The following DLG2 variants were observed in gnomAD, a reference collection of about 807,000 sequenced individuals.
DLG2 encodes the protein discs large MAGUK scaffold protein 2.
In DLG2, 45 loss-of-function variants were observed where a neutral mutation model predicts 132.5. That is an observed-to-expected ratio of 0.34 (90% CI 0.27 to 0.44). The LOEUF (loss-of-function observed/expected upper bound fraction) is 0.44, where lower values mean the gene tolerates loss of function less well. Ranked by LOEUF, DLG2 falls within the 20% of genes least tolerant of loss-of-function variation. The pLI is 1.00. For missense variants in DLG2, 1,045 were observed against 1,196.9 expected (o/e 0.87, Z 1.87); for synonymous variants, 424 against 419.6 (o/e 1.01, Z -0.13).
At chr11:85,563,626 G>A (rs1415626581) in intron 3 of DLG2, among the ~76,000 whole-genome samples, 1 of 148,722 alleles carries the variant, frequency 6.7e-6, no homozygotes, top group Admixed American at 6.7e-5. Context: ...GATTTATGTT[G>A]TTGCATGTTG....
intron 3 of DLG2, among the ~76,000 whole-genome samples, chr11:85,529,742 A>G (rs1294071368): frequency 2.6e-5 from 4 of 152,128 alleles, no homozygotes; most frequent in Non-Finnish European, 5.9e-5. Context: ...TTATTGTACC[A>G]ACTTTCCTTT....
At chr11:84,716,355 G>A (rs1207726777) in intron 6 of DLG2, among the ~76,000 whole-genome samples, 1 of 151,886 alleles carries the variant, frequency 6.6e-6, no homozygotes, top group African/African-American at 2.4e-5. Context: ...TAGAATATTA[G>A]GACAAATAAC....
chr11:84,689,200 T>C (rs1290544197), intron 6 of DLG2, among the ~76,000 whole-genome samples: 1 of 152,148 alleles, frequency 6.6e-6, no homozygotes, highest in East Asian at 1.9e-4. Context: ...CTTCCTAATA[T>C]GTATAAAATC....
chr11:84,190,275 G>T (rs192647698), intron 8 of DLG2, among the ~76,000 whole-genome samples: 11 of 152,060 alleles, frequency 7.2e-5, no homozygotes, highest in African/African-American at 2.7e-4. Context: ...GAAAGAAAAA[G>T]ATATAAGCAT....
Position 84,923,070 on chromosome 11 carries a change from C to T in DLG2, c.357+188591G>A, listed in dbSNP as rs1326452191. On this transcript the variant is annotated intron_variant, in intron 6 of 27. Transcript: ENST00000376104. ...TTGTGCCCAGTTGCCGGCTCGCCTC[C>T]TCTTACCTTCACGTTAGTCCGGAGT... The T allele has an allele frequency of 4.3e-6, 7 of 1,613,978 alleles. No homozygotes were observed. In the East Asian group the frequency reaches 8.9e-5, roughly 21 times the overall value.
intron 7 of DLG2, among the ~76,000 whole-genome samples, chr11:84,277,302 A>G (rs2097791825): frequency 6.6e-6 from 1 of 152,246 alleles, no homozygotes; most frequent in Non-Finnish European, 1.5e-5. Context: ...AATAGTATTT[A>G]CCAAGATAGA....
At chr11:84,876,165 C>T (rs1379099730) in intron 6 of DLG2, among the ~76,000 whole-genome samples, 2 of 152,210 alleles carry the variant, frequency 1.3e-5, no homozygotes, top group Non-Finnish European at 2.9e-5. Flanking sequence ...GAACGCACAG[C>T]TAATCTAAAT....
chr11:84,257,890 C>A (rs535222754), intron 7 of DLG2, among the ~76,000 whole-genome samples: 1 of 151,784 alleles, frequency 6.6e-6, no homozygotes, highest in South Asian at 2.1e-4. Flanking sequence ...TTTTGCTATA[C>A]TGCCCAGGCT....
At chr11:84,868,116 A>G (rs1212980003) in intron 6 of DLG2, among the ~76,000 whole-genome samples, 1 of 147,954 alleles carries the variant, frequency 6.8e-6, no homozygotes, top group East Asian at 1.9e-4. Context: ...ATTATATATT[A>G]ATAATTATAT....
chr11:85,272,895 C>A (rs1362124753), intron 4 of DLG2, among the ~76,000 whole-genome samples: 1 of 152,018 alleles, frequency 6.6e-6, no homozygotes, highest in Non-Finnish European at 1.5e-5. Flanking sequence ...GGTACTGGTA[C>A]CAAAACAGAG....
chr11:85,004,309 C>T (rs779663990), intron 6 of DLG2, among the ~76,000 whole-genome samples: 9 of 152,078 alleles, frequency 5.9e-5, no homozygotes, highest in South Asian at 2.1e-4. Context: ...CCTTCCACAA[C>T]GGTTGAACTA....
At chr11:83,735,399 G>C (rs866925219) in intron 18 of DLG2, among the ~76,000 whole-genome samples, 2 of 152,110 alleles carry the variant, frequency 1.3e-5, no homozygotes, top group African/African-American at 4.8e-5. Flanking sequence ...CCCAGTTTGG[G>C]GGCAAGATGC....
intron 3 of DLG2, among the ~76,000 whole-genome samples, chr11:85,405,638 C>T (rs1034087444): frequency 6.6e-6 from 1 of 151,888 alleles, no homozygotes; most frequent in Non-Finnish European, 1.5e-5. Flanking sequence ...TATTATTATT[C>T]CCATTTTACA....
chr11:85,482,942 A>G (rs286500), intron 3 of DLG2, among the ~76,000 whole-genome samples: 117,063 of 152,154 alleles, frequency 0.77, 46,510 homozygotes, highest in Middle Eastern at 0.91. Flanking sequence ...TATATCTGCT[A>G]TATAAGATAT....
chr11:84,475,010 C>T (rs948062880), intron 7 of DLG2, among the ~76,000 whole-genome samples: 1 of 152,142 alleles, frequency 6.6e-6, no homozygotes, highest in Non-Finnish European at 1.5e-5. Flanking sequence ...TTATAATTCA[C>T]TCTTCATTTC....
chr11:85,311,316 C>A (rs914878377), intron 3 of DLG2, among the ~76,000 whole-genome samples: 28 of 152,122 alleles, frequency 1.8e-4, no homozygotes, highest in African/African-American at 6.8e-4. Flanking sequence ...TAAGCACTTG[C>A]CATTTATTAT....
chr11:83,509,976 C>G (rs957670187), intron 21 of DLG2, among the ~76,000 whole-genome samples: 4 of 152,102 alleles, frequency 2.6e-5, no homozygotes, highest in Non-Finnish European at 5.9e-5. Context: ...GGCTTAATGT[C>G]TAGTGAAGGC....
intron 7 of DLG2, among the ~76,000 whole-genome samples, chr11:84,269,497 T>C (rs2154363071): frequency 6.6e-6 from 1 of 152,320 alleles, no homozygotes; most frequent in Middle Eastern, 3.4e-3. Context: ...ATTCTTGTGG[T>C]AATTCATAGA....
At chr11:84,012,329 G>A (rs1321437649) in intron 11 of DLG2, among the ~76,000 whole-genome samples, 1 of 152,032 alleles carries the variant, frequency 6.6e-6, no homozygotes. Flanking sequence ...CTGATTTTTG[G>A]CAAGAAACGC....
Sources: gnomAD v4.1 joint callset for allele counts (sites outside exome capture counted in the v4.1 genomes callset) on GRCh38, gnomAD v4.1.1 for gene constraint, MANE v1.5 for transcripts, NCBI Gene and HGNC (gene_info 2026-07-23, HGNC 2026-07-21) for gene names.